AGBL4: variants seen among roughly 807,000 people sequenced by gnomAD.
AGBL4 encodes cytosolic carboxypeptidase 6.
A neutral mutation model predicts 66.4 loss-of-function variants in AGBL4; 58 were observed. That is an observed-to-expected ratio of 0.87 (90% CI 0.71 to 1.09). AGBL4 has a LOEUF of 1.09. Ranked by LOEUF, AGBL4 falls within the 50% of genes least tolerant of loss-of-function variation. The pLI is 0.00. For synonymous variants in AGBL4, 234 were observed against 222.9 expected (o/e 1.05, Z -0.44); for missense variants, 579 against 631.0 (o/e 0.92, Z 0.88).
intron 6 of AGBL4, chr1:48,776,794 C>A: frequency 6.6e-7 from 1 of 1,524,828 alleles, no homozygotes; most frequent in Non-Finnish European, 8.8e-7. Flanking sequence ...CAGCGCGTAG[C>A]AGACGTTGTC....
chr1:49,645,237 TAGATGAAATAGAAAAC>T (rs1186836784), intron 3 of AGBL4, among the ~76,000 whole-genome samples: 1 of 151,316 alleles, frequency 6.6e-6, no homozygotes, highest in Non-Finnish European at 1.5e-5. Flanking sequence ...CACAGATGAA[TAGATGAAATAGAAAAC>T]AGCAAAAGTA....
chr1:49,368,948 G>A (rs537938058), intron 3 of AGBL4, among the ~76,000 whole-genome samples: 45 of 152,030 alleles, frequency 3.0e-4, no homozygotes, highest in Non-Finnish European at 2.8e-4. Flanking sequence ...GGTGGCACAC[G>A]CCTGTATTCC....
intron 1 of AGBL4, among the ~76,000 whole-genome samples, chr1:49,914,808 C>T (rs1038378137): frequency 2.6e-5 from 4 of 152,028 alleles, no homozygotes; most frequent in Non-Finnish European, 5.9e-5. Context: ...CCTAGGAAGT[C>T]TAAGAGCAAA....
chr1:48,532,299 G>A (rs1643910594), downstream of AGBL4, among the ~76,000 whole-genome samples: 1 of 152,136 alleles, frequency 6.6e-6, no homozygotes. Context: ...CCATCTTTCA[G>A]GTGAGGAAAC....
intron 3 of AGBL4, among the ~76,000 whole-genome samples, chr1:49,547,108 G>T (rs1050818268): frequency 1.1e-4 from 16 of 152,172 alleles, no homozygotes; most frequent in African/African-American, 3.9e-4. Context: ...TTTTTCCAAT[G>T]TTATCCTCTA....
intron 3 of AGBL4, among the ~76,000 whole-genome samples, chr1:49,407,546 T>G (rs1645230648): frequency 6.6e-6 from 1 of 152,230 alleles, no homozygotes; most frequent in Non-Finnish European, 1.5e-5. Flanking sequence ...TGGATAACCT[T>G]GACTAATAGC....
intron 1 of AGBL4, among the ~76,000 whole-genome samples, chr1:50,017,722 A>T (rs1436345938): frequency 1.3e-5 from 2 of 152,104 alleles, no homozygotes; most frequent in African/African-American, 4.8e-5. Context: ...AAAGACACCA[A>T]GACCTGCTTT....
At chr1:48,976,247 A>T (rs575064465) in intron 5 of AGBL4, among the ~76,000 whole-genome samples, 1 of 152,294 alleles carries the variant, frequency 6.6e-6, no homozygotes, top group South Asian at 2.1e-4. Context: ...GATGTCAGTT[A>T]GTCTCCTTAT....
chr1:48,880,078 C>T (rs946572114), intron 5 of AGBL4, among the ~76,000 whole-genome samples: 2 of 152,138 alleles, frequency 1.3e-5, no homozygotes, highest in African/African-American at 4.8e-5. Context: ...GAGCAGTATA[C>T]ACTGAACTCT....
chr1:49,124,459 C>T (rs76786909), intron 4 of AGBL4, among the ~76,000 whole-genome samples: 10 of 152,304 alleles, frequency 6.6e-5, no homozygotes, highest in Non-Finnish European at 1.0e-4. Flanking sequence ...TCCACCCACA[C>T]GAGCATGCTA....
chr1:49,975,507 G>A (rs1658482150), intron 1 of AGBL4, among the ~76,000 whole-genome samples: 1 of 152,094 alleles, frequency 6.6e-6, no homozygotes, highest in Non-Finnish European at 1.5e-5. Flanking sequence ...TGACATAATA[G>A]TCAGGAAAGG....
chr1:49,386,679 G>A (rs536689648), intron 3 of AGBL4, among the ~76,000 whole-genome samples: 70 of 151,964 alleles, frequency 4.6e-4, no homozygotes, highest in African/African-American at 1.2e-3. Flanking sequence ...TTCAGGCTCT[G>A]GTCAGCAACT....
chr1:48,981,965 G>A (rs1421618089), intron 5 of AGBL4, among the ~76,000 whole-genome samples: 1 of 152,164 alleles, frequency 6.6e-6, no homozygotes, highest in Non-Finnish European at 1.5e-5. Context: ...AGGAGCCAAG[G>A]AGAACTCTGG....
chr1:48,702,743 T>C (rs910798254), intron 6 of AGBL4, among the ~76,000 whole-genome samples: 4 of 152,180 alleles, frequency 2.6e-5, no homozygotes, highest in Admixed American at 2.0e-4. Context: ...TTGGAGGTAG[T>C]GCATGCTGCA....
chr1:49,862,353 CAAA>C (rs59447912), intron 1 of AGBL4, among the ~76,000 whole-genome samples: 4 of 137,718 alleles, frequency 2.9e-5, no homozygotes, highest in Non-Finnish European at 4.7e-5. Flanking sequence ...ATATAGGAGA[CAAA>C]AAAAAAAAAA....
intron 3 of AGBL4, among the ~76,000 whole-genome samples, chr1:49,400,046 T>C (rs930347941): frequency 6.6e-6 from 1 of 152,138 alleles, no homozygotes; most frequent in African/African-American, 2.4e-5. Context: ...GGTCACCATA[T>C]ATGATGAGAC....
rs981691909 is a variant in AGBL4, at chr1:49,105,496, G to A, written c.378-59696C>T. On this transcript the variant is annotated intron_variant, in intron 4 of 13. Coordinates refer to ENST00000371839, the MANE Select transcript of AGBL4 (RefSeq NM_032785.4). The stretch of plus-strand genomic sequence containing the variant: ...TGAGCTAGTGGAGAGAGTTAGGACC[G>A]GAATAAGGAAATGCTGATATCCTGG... Among the ~76,000 whole-genome samples the A allele has an allele frequency of 1.2e-4, 18 of 152,216 alleles. 1 individual carries two copies. The highest frequency in any genetic ancestry group is 3.9e-4 in the African/African-American group (16 of 41,544).
chr1:49,918,564 T>C (rs556768079), intron 1 of AGBL4, among the ~76,000 whole-genome samples: 2 of 152,148 alleles, frequency 1.3e-5, no homozygotes, highest in Admixed American at 1.3e-4. Flanking sequence ...AATAGACCAA[T>C]AACAGCCTCT....
At position 49,218,551 on chromosome 1, in the gene AGBL4, T is replaced by G. The variant is rs186532469; in HGVS notation, c.377+27219A>C. Among the ~76,000 whole-genome samples, 66 of 152,240 alleles carry G rather than the reference T, an allele frequency of 4.3e-4. 1 individual carries two copies. Among genetic ancestry groups the G allele is most frequent in the African/African-American group, 1.5e-3 (61 of 41,568 alleles). ...GCAAGTTGGCTCTAGCAAAAGTCTT[T>G]TGGGTGCAAGTCATTTTTGCTAGTT... On this transcript the variant is annotated intron_variant, in intron 4 of 13. Coordinates refer to ENST00000371839, the MANE Select transcript of AGBL4 (RefSeq NM_032785.4).
Sources: gnomAD v4.1 joint callset for allele counts (sites outside exome capture counted in the v4.1 genomes callset) on GRCh38, gnomAD v4.1.1 for gene constraint, MANE v1.5 for transcripts, NCBI Gene and HGNC (gene_info 2026-07-23, HGNC 2026-07-21) for gene names.